SERPINA9: variants seen among roughly 807,000 people sequenced by gnomAD.
SERPINA9 encodes the protein serpin A9.
Under a neutral mutation model 24.5 loss-of-function variants are expected in SERPINA9, and 32 were observed. The observed-to-expected ratio is 1.30, with a 90% CI of 0.98 to 1.75. The LOEUF is 1.75. SERPINA9 is among the 40% of genes most tolerant of loss of function. The pLI is 0.00. For missense variants in SERPINA9, 594 were observed against 497.1 expected (o/e 1.19, Z -1.85); for synonymous variants, 233 against 197.7 (o/e 1.18, Z -1.50).
chr14:94,463,172 G>T lies in SERPINA9; in HGVS notation c.1175C>A (p.Thr392Asn). 1 of 1,614,066 alleles carries T rather than the reference G, an allele frequency of 6.2e-7. No homozygotes were observed. The highest frequency in any genetic ancestry group is 8.5e-7 in the Non-Finnish European group (1 of 1,179,908). The stretch of plus-strand genomic sequence containing the variant: ...TTTATTTGTAATCATCATCAGGAAG[G>T]TCCTATTGAAGGAGACAGTGAAGTA... ...PSYFTVSFNR[T>N]FLMMITNKAT... Residue 392 changes from threonine (T) to asparagine (N), a missense_variant, in exon 5 of 5, where the codon ACC (threonine) becomes AAC (asparagine). Coordinates refer to ENST00000674397, the MANE Select transcript of SERPINA9 (RefSeq NM_175739.4).
At chr14:94,474,921 C>A (rs1241708133) in intron 1 of SERPINA9, among the ~76,000 whole-genome samples, 1 of 152,096 alleles carries the variant, frequency 6.6e-6, no homozygotes, top group East Asian at 1.9e-4. Flanking sequence ...TCCTCAATGG[C>A]TCCCCATTGA....
chr14:94,463,195 G>T lies in SERPINA9; in HGVS notation c.1152C>A (p.Tyr384Ter). The T allele has an allele frequency of 6.2e-7, 1 of 1,614,126 alleles. No homozygotes were observed. The highest frequency in any genetic ancestry group is 8.5e-7 in the Non-Finnish European group (1 of 1,179,942). ...FIVRSKDGPS[Y>*]FTVSFNRTFL... ...AGGTCCTATTGAAGGAGACAGTGAA[G>T]TAAGAGGGGCCATCCTTCGATCGGA... is the stretch of plus-strand genomic sequence containing the variant. The change falls in exon 5 of 5, where the codon TAC (tyrosine) becomes TAA (stop). Residue 384 changes from tyrosine (Y) to a stop codon, truncating the protein, a stop_gained. Coordinates refer to ENST00000674397, the MANE Select transcript of SERPINA9 (RefSeq NM_175739.4). LOFTEE classifies it low-confidence loss of function (END_TRUNC).
chr14:94,472,594 G>A (rs558311925), intron 1 of SERPINA9, among the ~76,000 whole-genome samples: 45 of 151,748 alleles, frequency 3.0e-4, no homozygotes, highest in Non-Finnish European at 6.2e-4. Flanking sequence ...TACTATAGGA[G>A]GTGTTGGGGC....
rs777073491 is a variant in SERPINA9, at chr14:94,469,704, G to A, written c.137C>T (p.Ser46Phe). Residue 46 changes from serine (S) to phenylalanine (F), a missense_variant, in exon 2 of 5, where the codon TCC becomes TTC. Transcript: ENST00000674397. ...GCGGAAGGCAAAGTCGGTGTTGAGG[G>A]AATACACCTGTGAGGCAGGGGTGCT... ...TKSTPASQVY[S>F]LNTDFAFRLY... The A allele has an allele frequency of 1.2e-5, 19 of 1,608,482 alleles. No individual in the cohort carries two copies. The East Asian group carries it at 4.0e-4, about 34-fold the overall frequency.
Position 94,464,700 on chromosome 14 carries a change from A to G in SERPINA9, c.1050+7T>C. 2 of 1,607,260 alleles carry G rather than the reference A, an allele frequency of 1.2e-6. No individual in the cohort carries two copies. The highest frequency in any genetic ancestry group is 1.7e-6 in the Non-Finnish European group (2 of 1,176,922). ...GACTTTTTTGCAAATATTTTCATTC[A>G]ACTCACTTTAGAAACCTGCAGGGAG... On this transcript the variant is annotated splice_region_variant and intron_variant, in intron 4 of 4. Transcript: ENST00000674397.
chr14:94,475,160 C>T (rs2139826404), intron 1 of SERPINA9, among the ~76,000 whole-genome samples: 1 of 152,268 alleles, frequency 6.6e-6, no homozygotes, highest in East Asian at 1.9e-4. Flanking sequence ...TGTGGCAAGG[C>T]TCCATGTGTG....
chr14:94,475,245 T>G, intron 1 of SERPINA9, among the ~76,000 whole-genome samples: 1 of 152,190 alleles, frequency 6.6e-6, no homozygotes, highest in East Asian at 1.9e-4. Flanking sequence ...CCTCGTCCAC[T>G]GTGGGTTCCC....
chr14:94,469,366 CT>C lies in SERPINA9; in HGVS notation c.474del (p.Glu159LysfsTer21), dbSNP rs1899183587. 6.2e-7 allele frequency: 1 copy of C among 1,614,132 alleles called. No homozygotes were observed. Among genetic ancestry groups the C allele is most frequent in the Admixed American group, 1.7e-5 (1 of 60,010 alleles). ...TTGGAGAAATCTGTAGAAAAGACTT[CT>C]GCTTCATACAGCCTCTTGACATTGC... ...FLGNVKRLYE[A>X]EVFSTDFSNP... is the part of the protein sequence containing the mutation. On this transcript the variant is annotated frameshift_variant, in exon 2 of 5. Transcript: ENST00000674397. LOFTEE classifies it high-confidence loss of function.
At chr14:94,469,960 G>A in intron 1 of SERPINA9, 103 bp from the exon 2 acceptor site, 1 of 946,100 alleles carries the variant, frequency 1.1e-6, no homozygotes, top group South Asian at 2.5e-5. Context: ...AATGAGGACA[G>A]ATAGGCCAGT....
intron 1 of SERPINA9, among the ~76,000 whole-genome samples, chr14:94,473,850 G>T (rs936318662): frequency 6.6e-6 from 1 of 152,212 alleles, no homozygotes; most frequent in Admixed American, 6.5e-5. Context: ...TCTGTTTAGA[G>T]AACAGCATTG....
chr14:94,475,667 G>A (rs565978523), intron 1 of SERPINA9, among the ~76,000 whole-genome samples: 3 of 152,178 alleles, frequency 2.0e-5, no homozygotes, highest in African/African-American at 7.2e-5. Flanking sequence ...GCCTTAGAAA[G>A]TATCTCTTCT....
At chr14:94,471,304 C>A (rs1280959133) in intron 1 of SERPINA9, among the ~76,000 whole-genome samples, 1 of 152,114 alleles carries the variant, frequency 6.6e-6, no homozygotes, top group Non-Finnish European at 1.5e-5. Flanking sequence ...AATAAGTGAA[C>A]AATTATTTTG....
chr14:94,463,093 C>T lies in SERPINA9; in HGVS notation c.1254G>A (p.Ter418=), dbSNP rs1485955473. The change falls in exon 5 of 5, where the codon TAG becomes TAA. Residue 418 remains the stop codon, a stop_retained_variant. Transcript: ENST00000674397. The part of the protein sequence containing the change: ...LGKVENPTKS[*] Reference sequence around the variant, plus strand: ...CATCAGTTAACAGGCCATTTCCCACCTAGGATTTAGTGGGATTTTCCACTT... The same window carrying T: ...CATCAGTTAACAGGCCATTTCCCACTTAGGATTTAGTGGGATTTTCCACTT... 3 of 1,609,776 alleles carry T rather than the reference C, an allele frequency of 1.9e-6. No individual in the cohort carries two copies. Among genetic ancestry groups the T allele is most frequent in the African/African-American group, 1.3e-5 (1 of 74,848 alleles).
chr14:94,475,157 A>G (rs1181580007), intron 1 of SERPINA9, among the ~76,000 whole-genome samples: 6 of 152,078 alleles, frequency 3.9e-5, no homozygotes, highest in Non-Finnish European at 1.5e-5. Flanking sequence ...CCCTGTGGCA[A>G]GGCTCCATGT....
In SERPINA9 at chr14:94,469,468, T is replaced by C. The variant is rs201146824; in HGVS notation, c.373A>G (p.Ser125Gly). ...CCCATCTTCAAGGTCAGGTCTTTGC[T>C]GGGAACAGTCAGTGAGTGAACCAGG... is the stretch of plus-strand genomic sequence containing the variant. ...QHLVHSLTVPSKDLTLKMGSA... is the reference protein window; with the variant it reads ...QHLVHSLTVPGKDLTLKMGSA... Residue 125 changes from serine to glycine, a missense_variant, in exon 2 of 5, where the codon AGC (serine) becomes GGC (glycine). Ser to Gly is a moderately conservative substitution (Grantham distance 56). Transcript: ENST00000674397. The C allele has an allele frequency of 1.5e-5, 24 of 1,614,188 alleles. No homozygotes were observed. The African/African-American group carries it at 2.1e-4, about 14-fold the overall frequency.
chr14:94,465,474 A>T (rs1898958869), intron 3 of SERPINA9, among the ~76,000 whole-genome samples: 1 of 152,052 alleles, frequency 6.6e-6, no homozygotes, highest in Admixed American at 6.6e-5. Context: ...TTAGCACAAT[A>T]TTTTTTTTCC....
chr14:94,469,801 G>A lies in SERPINA9; in HGVS notation c.40C>T (p.Leu14Phe). The A allele has an allele frequency of 2.0e-6, 3 of 1,524,766 alleles. No individual in the cohort carries two copies. Among genetic ancestry groups the A allele is most frequent in the Non-Finnish European group, 2.6e-6 (3 of 1,137,292 alleles). 94.5% of individuals were successfully genotyped at this position (1,524,766 alleles called of 1,614,324 possible). Residue 14 changes from leucine to phenylalanine, a missense_variant, in exon 2 of 5, where the codon CTC becomes TTC. Transcript: ENST00000674397. ...YLYGVLFAVG[L>F]CAPIYCVSPA... ...GACACACAGTAGATTGGAGCACAGA[G>A]GCCAACAGCAAAGAGTACTCCATAA... is the stretch of plus-strand genomic sequence containing the variant.
intron 2 of SERPINA9, among the ~76,000 whole-genome samples, chr14:94,468,595 C>T (rs1177859074): frequency 1.3e-5 from 2 of 152,142 alleles, no homozygotes; most frequent in African/African-American, 4.8e-5. Flanking sequence ...GATCATAGAG[C>T]AAGTATGGGG....
At chr14:94,469,929 C>T (rs1899230541) in intron 1 of SERPINA9, 72 bp from the exon 2 acceptor site, 2 of 1,238,744 alleles carry the variant, frequency 1.6e-6, no homozygotes, top group Non-Finnish European at 2.2e-6. Flanking sequence ...CCCTTTAACA[C>T]CCCCACGCCA....
Sources: gnomAD v4.1 joint callset for allele counts (sites outside exome capture counted in the v4.1 genomes callset) on GRCh38, gnomAD v4.1.1 for gene constraint, MANE v1.5 for transcripts, NCBI Gene and HGNC (gene_info 2026-07-23, HGNC 2026-07-21) for gene names.